The following TMEM41B variants were observed in gnomAD, a reference collection of about 807,000 sequenced individuals.
TMEM41B encodes the protein transmembrane protein 41B, also known as protein stasimon.
A neutral mutation model predicts 31.9 loss-of-function variants in TMEM41B; 18 were observed. The observed-to-expected ratio is 0.56, with a 90% confidence interval of 0.39 to 0.84. The LOEUF is 0.84. TMEM41B is among the 40% of genes least tolerant of loss of function. The pLI, the probability that TMEM41B is intolerant of heterozygous loss-of-function variation, is 0.00. For synonymous variants in TMEM41B, 144 were observed against 124.3 expected (o/e 1.16, Z -1.05); for missense variants, 322 against 348.0 (o/e 0.93, Z 0.59).
intron 1 of TMEM41B, 36 bp downstream of exon 1, chr11:9,314,285 G>A: frequency 2.6e-6 from 4 of 1,555,678 alleles, no homozygotes; most frequent in Non-Finnish European, 3.5e-6. Flanking sequence ...CAGAAGCCTC[G>A]GGCCACCCCC....
At chr11:9,308,837 C>T (rs752315965) in intron 1 of TMEM41B, among the ~76,000 whole-genome samples, 27 of 152,216 alleles carry the variant, frequency 1.8e-4, no homozygotes, top group Admixed American at 3.9e-4. Flanking sequence ...AGACTTCATC[C>T]GTAATACTAG....
intron 1 of TMEM41B, among the ~76,000 whole-genome samples, chr11:9,308,098 G>A (rs1306904034): frequency 6.6e-6 from 1 of 152,122 alleles, no homozygotes; most frequent in Non-Finnish European, 1.5e-5. Context: ...TGTAATCCCA[G>A]CACTTTGGGA....
chr11:9,284,324 T>C (rs370266797), intron 6 of TMEM41B, among the ~76,000 whole-genome samples: 7 of 151,498 alleles, frequency 4.6e-5, no homozygotes, highest in African/African-American at 1.7e-4. Flanking sequence ...ATTTTTGAAT[T>C]TTTTGTCAAG....
intron 1 of TMEM41B, chr11:9,311,542 C>A (rs10840204): frequency 2.4e-6 from 3 of 1,264,834 alleles, no homozygotes; most frequent in African/African-American, 1.5e-5. Context: ...GCTGAATTGC[C>A]TTGCGGAGCT....
At chr11:9,291,295 T>C (rs1156792698) in intron 3 of TMEM41B, among the ~76,000 whole-genome samples, 6 of 151,880 alleles carry the variant, frequency 4.0e-5, no homozygotes, top group African/African-American at 7.3e-5. Context: ...AGCAGGAGAA[T>C]TGCTTGAACT....
At chr11:9,299,868 C>T (rs11042272) in intron 1 of TMEM41B, among the ~76,000 whole-genome samples, 167 bp from the exon 2 acceptor site, 22,916 of 152,170 alleles carry the variant, frequency 0.15, 1,962 homozygotes, top group Non-Finnish European at 0.2. Flanking sequence ...GCCTGTAATC[C>T]CAGCACTTTG....
chr11:9,305,803 T>C (rs1229173427), intron 1 of TMEM41B, among the ~76,000 whole-genome samples: 1 of 152,110 alleles, frequency 6.6e-6, no homozygotes, highest in Non-Finnish European at 1.5e-5. Flanking sequence ...TGAGCATCTT[T>C]TAAAACCTTC....
intron 3 of TMEM41B, among the ~76,000 whole-genome samples, chr11:9,292,368 A>G (rs966118298): frequency 4.6e-5 from 7 of 152,288 alleles, no homozygotes; most frequent in East Asian, 1.9e-4. Flanking sequence ...TTGGTTCTTG[A>G]TAACACCAAC....
chr11:9,301,257 T>C (rs1564965401), intron 1 of TMEM41B, among the ~76,000 whole-genome samples: 1 of 151,920 alleles, frequency 6.6e-6, no homozygotes, highest in Non-Finnish European at 1.5e-5. Flanking sequence ...TAGCTGGGCA[T>C]GGTGGTGGGC....
chr11:9,306,172 T>C (rs1011424407), intron 1 of TMEM41B, among the ~76,000 whole-genome samples: 4 of 147,938 alleles, frequency 2.7e-5, no homozygotes, highest in Admixed American at 6.8e-5. Flanking sequence ...AGAGACGGGG[T>C]TTCACCATGT....
At chr11:9,306,350 C>T (rs145777130) in intron 1 of TMEM41B, among the ~76,000 whole-genome samples, 2 of 152,090 alleles carry the variant, frequency 1.3e-5, no homozygotes, top group African/African-American at 2.4e-5. Flanking sequence ...CTATTATGTG[C>T]TTTTCCAACC....
intron 3 of TMEM41B, among the ~76,000 whole-genome samples, chr11:9,290,372 A>G (rs766563635): frequency 4.6e-5 from 7 of 152,164 alleles, no homozygotes; most frequent in Non-Finnish European, 8.8e-5. Flanking sequence ...GCAAGACTCC[A>G]TCTCAAAAAC....
chr11:9,288,312 G>T, intron 4 of TMEM41B, 130 bp downstream of exon 4: 1 of 616,538 alleles, frequency 1.6e-6, no homozygotes. Context: ...CCTTGTGGAG[G>T]GACTTTAACA....
chr11:9,304,806 C>T (rs531260724), intron 1 of TMEM41B, among the ~76,000 whole-genome samples: 3 of 152,214 alleles, frequency 2.0e-5, no homozygotes, highest in East Asian at 1.9e-4. Context: ...TACAGGCACA[C>T]GCCACCATGC....
At position 9,283,376 on chromosome 11, in the gene TMEM41B, A is replaced by T; in HGVS notation, c.*48T>A. 6.9e-7 allele frequency: 1 copy of T among 1,447,926 alleles called. No homozygotes were observed. Among genetic ancestry groups the T allele is most frequent in the Non-Finnish European group, 9.5e-7 (1 of 1,057,498 alleles). 89.7% of individuals were successfully genotyped at this position (1,447,926 alleles called of 1,614,324 possible). The stretch of plus-strand genomic sequence containing the variant: ...TAAAACATAAATGGATGCACCTGTT[A>T]ATCCTGAGATGGTGATGACAGCAAA... On this transcript the variant is annotated 3_prime_UTR_variant, in exon 7 of 7. Coordinates refer to ENST00000528080, the MANE Select transcript of TMEM41B (RefSeq NM_015012.4).
At chr11:9,306,883 A>C (rs1267669130) in intron 1 of TMEM41B, among the ~76,000 whole-genome samples, 1 of 152,140 alleles carries the variant, frequency 6.6e-6, no homozygotes, top group Non-Finnish European at 1.5e-5. Flanking sequence ...TACTTTAATG[A>C]GCACCCCAAT....
At chr11:9,312,380 T>C (rs1853581343) in intron 1 of TMEM41B, among the ~76,000 whole-genome samples, 1 of 152,192 alleles carries the variant, frequency 6.6e-6, no homozygotes, top group South Asian at 2.1e-4. Context: ...CACACACCTG[T>C]AGTCAGCTAT....
In TMEM41B at chr11:9,299,490, T is replaced by C; in HGVS notation, c.239+94A>G. On this transcript the variant is annotated intron_variant, in intron 2 of 6. Transcript: ENST00000528080. Reference sequence around the variant, plus strand: ...CACCCACCTCGGCCTCCCAAAGTGTTGAGATTACAGGCATCAGCTACTGCA... The same window carrying C: ...CACCCACCTCGGCCTCCCAAAGTGTCGAGATTACAGGCATCAGCTACTGCA... 4 of 848,440 alleles carry C rather than the reference T, an allele frequency of 4.7e-6. No individual in the cohort carries two copies. The South Asian group carries it at 6.5e-5, about 14-fold the overall frequency. The allele number at this position is 848,440 out of a possible 1,614,324, so 52.6% of individuals were successfully genotyped here. A position where few individuals can be genotyped will look rare whatever the true frequency, so the allele number is the denominator to read the frequency against.
chr11:9,300,120 A>C (rs1203314512), intron 1 of TMEM41B, among the ~76,000 whole-genome samples: 1 of 152,170 alleles, frequency 6.6e-6, no homozygotes, highest in Non-Finnish European at 1.5e-5. Flanking sequence ...ACTTCGTCTA[A>C]AAAAATAAAA....
Sources: gnomAD v4.1 joint callset for allele counts (sites outside exome capture counted in the v4.1 genomes callset) on GRCh38, gnomAD v4.1.1 for gene constraint, MANE v1.5 for transcripts, NCBI Gene and HGNC (gene_info 2026-07-23, HGNC 2026-07-21) for gene names.